The following MED30 variants were observed in gnomAD, a reference collection of about 807,000 sequenced individuals.
MED30 encodes the protein mediator complex subunit 30.
MED30 carries 8 observed loss-of-function variants against 21.7 expected under a neutral mutation model. The ratio of observed to expected loss-of-function variants is 0.37; its 90% CI spans 0.22 to 0.67. MED30 has a LOEUF of 0.67. Ranked by LOEUF, MED30 falls within the 30% of genes least tolerant of loss-of-function variation. The pLI is 0.58. For missense variants in MED30, 203 were observed against 228.2 expected (o/e 0.89, Z 0.71); for synonymous variants, 79 against 86.7 (o/e 0.91, Z 0.49).
intron 1 of MED30, among the ~76,000 whole-genome samples, chr8:117,524,651 A>G (rs1818691786): frequency 6.6e-6 from 1 of 151,904 alleles, no homozygotes; most frequent in South Asian, 2.1e-4. Flanking sequence ...TAGGAATAAA[A>G]AAGGACAGTG....
intron 1 of MED30, among the ~76,000 whole-genome samples, chr8:117,521,381 G>A (rs143555730): frequency 6.6e-6 from 1 of 152,112 alleles, no homozygotes; most frequent in African/African-American, 2.4e-5. Context: ...GTTTTTTCCA[G>A]CATTTCTTCT....
In MED30 at chr8:117,540,094, G is replaced by T; in HGVS notation, c.*116G>T. 2.0e-6 allele frequency: 1 copy of T among 499,962 alleles called. No individual in the cohort carries two copies. The highest frequency in any genetic ancestry group is 3.7e-5 in the South Asian group (1 of 26,982). 31.0% of individuals were successfully genotyped at this position (499,962 alleles called of 1,614,324 possible). A position where few individuals can be genotyped will look rare whatever the true frequency, so the allele number is the denominator to read the frequency against. On this transcript the variant is annotated 3_prime_UTR_variant, in exon 4 of 4. Transcript: ENST00000297347. ...TTTTATTTTAGTCACTAAAACTAAA[G>T]TTTTTATTTTTACATTGTGATTTTT...
chr8:117,522,746 G>A (rs766182263), intron 1 of MED30, among the ~76,000 whole-genome samples: 1 of 151,198 alleles, frequency 6.6e-6, no homozygotes, highest in African/African-American at 2.4e-5. Flanking sequence ...AGGAGATCCA[G>A]GAGAAATTAT....
chr8:117,537,916 A>T (rs1049512187), intron 3 of MED30, among the ~76,000 whole-genome samples: 20 of 152,246 alleles, frequency 1.3e-4, no homozygotes, highest in African/African-American at 4.3e-4. Context: ...AATTTATCTA[A>T]GATCAAATAC....
chr8:117,536,131 T>C (rs1223017840), intron 3 of MED30, among the ~76,000 whole-genome samples: 1 of 152,146 alleles, frequency 6.6e-6, no homozygotes, highest in Admixed American at 6.5e-5. Flanking sequence ...ATTTCTTCCA[T>C]GAAGCAGCTG....
intron 1 of MED30, among the ~76,000 whole-genome samples, chr8:117,526,175 C>G (rs1417261513): frequency 1.3e-5 from 2 of 151,918 alleles, no homozygotes; most frequent in Non-Finnish European, 2.9e-5. Context: ...AGAGCTATTG[C>G]TTTCTCTTTG....
At chr8:117,539,765 G>GT (rs1343015497) in intron 3 of MED30, 118 bp from the exon 4 acceptor site, 3 of 655,642 alleles carry the variant, frequency 4.6e-6, no homozygotes, top group African/African-American at 1.9e-5. Flanking sequence ...GCCTTATAGG[G>GT]TTATTTAGCT....
chr8:117,537,454 ACT>A (rs1277283510), intron 3 of MED30, among the ~76,000 whole-genome samples: 4 of 152,188 alleles, frequency 2.6e-5, no homozygotes, highest in South Asian at 2.1e-4. Flanking sequence ...ACATGTTTTG[ACT>A]CTGGATATTT....
At chr8:117,537,988 A>G (rs1160806299) in intron 3 of MED30, among the ~76,000 whole-genome samples, 4 of 152,142 alleles carry the variant, frequency 2.6e-5, no homozygotes, top group East Asian at 1.9e-4. Flanking sequence ...TAGCACTTTT[A>G]TATTCCTCTG....
intron 3 of MED30, among the ~76,000 whole-genome samples, chr8:117,538,587 T>C (rs1818920606): frequency 6.6e-6 from 1 of 152,130 alleles, no homozygotes; most frequent in African/African-American, 2.4e-5. Flanking sequence ...TTAAAATTAA[T>C]TAAGTATATT....
At chr8:117,535,569 G>A (rs28571816) in intron 3 of MED30, among the ~76,000 whole-genome samples, 24,047 of 151,764 alleles carry the variant, frequency 0.16, 1,968 homozygotes, top group Non-Finnish European at 0.17. Flanking sequence ...ACACACCCGA[G>A]GGTGTTTCTC....
In MED30 at chr8:117,520,789, A is replaced by T; in HGVS notation, c.-88A>T. 11 of 1,358,244 alleles carry T rather than the reference A, an allele frequency of 8.1e-6. No individual in the cohort carries two copies. The South Asian group carries it at 1.3e-4, about 16-fold the overall frequency. The allele number at this position is 1,358,244 out of a possible 1,614,324, so 84.1% of individuals were successfully genotyped here. A position where few individuals can be genotyped will look rare whatever the true frequency, so the allele number is the denominator to read the frequency against. ...GCGGGGGGTCTCTCAAGCTGGTTCCAACGCTGAGGCCCCACAGCCTCCCAA... is the reference window on the plus strand; with the variant it reads ...GCGGGGGGTCTCTCAAGCTGGTTCCTACGCTGAGGCCCCACAGCCTCCCAA... On this transcript the variant is annotated 5_prime_UTR_variant, in exon 1 of 4. Transcript: ENST00000297347.
intron 1 of MED30, among the ~76,000 whole-genome samples, chr8:117,522,502 G>C (rs1176527009): frequency 6.6e-6 from 1 of 152,152 alleles, no homozygotes; most frequent in South Asian, 2.1e-4. Context: ...TTGTTTTACA[G>C]ATGAAGATTC....
At chr8:117,532,730 G>A (rs1818808690) in intron 3 of MED30, among the ~76,000 whole-genome samples, 1 of 151,888 alleles carries the variant, frequency 6.6e-6, no homozygotes, top group African/African-American at 2.4e-5. Flanking sequence ...TTTTTTAAAA[G>A]GTGAAACACA....
intron 1 of MED30, among the ~76,000 whole-genome samples, chr8:117,525,806 T>G (rs1818711571): frequency 6.6e-6 from 1 of 152,138 alleles, no homozygotes; most frequent in Non-Finnish European, 1.5e-5. Flanking sequence ...TATGTATTAA[T>G]GCAAAACATT....
At chr8:117,522,787 AAT>A (rs1818650711) in intron 1 of MED30, among the ~76,000 whole-genome samples, 1 of 152,216 alleles carries the variant, frequency 6.6e-6, no homozygotes, top group African/African-American at 2.4e-5. Flanking sequence ...TAAAAAAATG[AAT>A]AGATTCATAT....
Position 117,540,114 on chromosome 8 carries a change from A to AT in MED30, c.*141dup. On this transcript the variant is annotated 3_prime_UTR_variant, in exon 4 of 4. Coordinates refer to ENST00000297347, the MANE Select transcript of MED30 (RefSeq NM_080651.4). ...CTAAAGTTTTTATTTTTACATTGTG[A>AT]TTTTTACATTAAAATATTAACTTTT... 2.2e-6 allele frequency: 1 copy of AT among 457,268 alleles called. No individual in the cohort carries two copies. Among genetic ancestry groups the AT allele is most frequent in the Non-Finnish European group, 3.8e-6 (1 of 265,554 alleles). 28.3% of individuals were successfully genotyped at this position (457,268 alleles called of 1,614,324 possible).
intron 1 of MED30, among the ~76,000 whole-genome samples, chr8:117,527,309 A>G (rs1341262692): frequency 6.6e-6 from 1 of 151,912 alleles, no homozygotes; most frequent in Non-Finnish European, 1.5e-5. Flanking sequence ...AAATGTTTTG[A>G]CTAGTTCAGC....
intron 1 of MED30, 49 bp from the exon 2 acceptor site, chr8:117,528,602 A>G (rs971865553): frequency 6.8e-7 from 1 of 1,466,140 alleles, no homozygotes; most frequent in Non-Finnish European, 9.1e-7. Flanking sequence ...GAAAATCTTG[A>G]TTTTTTTTTC....
Sources: gnomAD v4.1 joint callset for allele counts (sites outside exome capture counted in the v4.1 genomes callset) on GRCh38, gnomAD v4.1.1 for gene constraint, MANE v1.5 for transcripts, NCBI Gene and HGNC (gene_info 2026-07-23, HGNC 2026-07-21) for gene names.